Variants in TMEM117 observed in about 807,000 individuals in gnomAD.
TMEM117 encodes transmembrane protein 117.
TMEM117 carries 27 observed loss-of-function variants against 52.4 expected under a neutral mutation model. The observed-to-expected ratio is 0.51, with a 90% CI of 0.38 to 0.71. TMEM117 has a LOEUF of 0.71. Ranked by LOEUF, TMEM117 falls within the 30% of genes least tolerant of loss-of-function variation. TMEM117 has a pLI of 0.00. For synonymous variants in TMEM117, 215 were observed against 206.3 expected, an observed-to-expected ratio of 1.04 and a Z score of -0.36; for missense variants, 556 against 630.5, an observed-to-expected ratio of 0.88 and a Z score of 1.26.
At chr12:44,108,269 T>G (rs1044764419) in intron 3 of TMEM117, among the ~76,000 whole-genome samples, 8 of 148,760 alleles carry the variant, frequency 5.4e-5, no homozygotes, top group Non-Finnish European at 1.0e-4. Context: ...GTTAGTTACA[T>G]ATGTATACAT....
chr12:44,018,612 T>C (rs973465879), intron 3 of TMEM117, among the ~76,000 whole-genome samples: 2 of 152,206 alleles, frequency 1.3e-5, no homozygotes, highest in Non-Finnish European at 2.9e-5. Context: ...ATGAATTCCT[T>C]AAACCACATA....
chr12:44,355,899 G>T (rs1445681117), intron 6 of TMEM117, among the ~76,000 whole-genome samples: 1 of 152,092 alleles, frequency 6.6e-6, no homozygotes. Context: ...AACCAGTCAT[G>T]CTAGCACTGG....
intron 2 of TMEM117, among the ~76,000 whole-genome samples, chr12:43,912,670 A>T (rs1373161535): frequency 6.6e-6 from 1 of 151,776 alleles, no homozygotes. Context: ...AAATAATGGA[A>T]ATATGTCTTT....
chr12:44,086,508 T>C (rs914676170), intron 3 of TMEM117, among the ~76,000 whole-genome samples: 5 of 152,060 alleles, frequency 3.3e-5, no homozygotes, highest in African/African-American at 1.2e-4. Flanking sequence ...AGCTACTGTG[T>C]GCGGCCACAA....
At chr12:44,337,351 A>G (rs990159898) in intron 6 of TMEM117, among the ~76,000 whole-genome samples, 4 of 152,050 alleles carry the variant, frequency 2.6e-5, no homozygotes, top group Admixed American at 2.6e-4. Context: ...CATGAGGACT[A>G]TAGCTTCATG....
intron 4 of TMEM117, among the ~76,000 whole-genome samples, chr12:44,144,487 G>T (rs756435047): frequency 6.6e-6 from 1 of 152,180 alleles, no homozygotes; most frequent in South Asian, 2.1e-4. Context: ...ACAAGACTTG[G>T]CATGGACATG....
At chr12:44,244,931 C>T (rs1950110276) in intron 5 of TMEM117, among the ~76,000 whole-genome samples, 1 of 151,996 alleles carries the variant, frequency 6.6e-6, no homozygotes, top group African/African-American at 2.4e-5. Flanking sequence ...TTCCTCAGCA[C>T]CACTTATGAA....
intron 6 of TMEM117, among the ~76,000 whole-genome samples, chr12:44,333,709 A>G (rs188966007): frequency 4.1e-4 from 63 of 152,126 alleles, no homozygotes; most frequent in African/African-American, 1.3e-3. Flanking sequence ...TTTATGAATT[A>G]CCCAGTCTTG....
the TMEM117 span, among the ~76,000 whole-genome samples, chr12:43,809,496 T>G: frequency 6.6e-6 from 1 of 152,224 alleles, no homozygotes; most frequent in Non-Finnish European, 1.5e-5. Context: ...GTATGAATGC[T>G]CAATGTATGT....
At chr12:43,805,928 G>C in the TMEM117 span, 1 of 1,519,428 alleles carries the variant, frequency 6.6e-7, no homozygotes, top group Non-Finnish European at 8.9e-7. Context: ...TGTCGGGGAC[G>C]GTGGAAGGCA....
At chr12:43,891,629 G>A (rs1944107686) in intron 2 of TMEM117, among the ~76,000 whole-genome samples, 1 of 151,934 alleles carries the variant, frequency 6.6e-6, no homozygotes, top group Non-Finnish European at 1.5e-5. Flanking sequence ...GCCTCCCAAA[G>A]TGCTGGGATT....
In TMEM117 at chr12:44,125,112, AT is replaced by A. The variant is rs928071717; in HGVS notation, c.411-18403del. On this transcript the variant is annotated intron_variant, in intron 3 of 7. Coordinates refer to ENST00000266534, the MANE Select transcript of TMEM117 (RefSeq NM_032256.3). ...TCATTATTGGTCTATTATGGGATTA[AT>A]TTTTTTTTTGAGACGGAGTCTTGCT... Among the ~76,000 whole-genome samples, 37 of 149,688 alleles carry A rather than the reference AT, an allele frequency of 2.5e-4. 1 individual carries two copies. The highest frequency in any genetic ancestry group is 8.6e-4 in the African/African-American group (35 of 40,882).
chr12:43,981,053 G>T (rs1379091102), intron 3 of TMEM117, among the ~76,000 whole-genome samples: 1 of 152,096 alleles, frequency 6.6e-6, no homozygotes, highest in Admixed American at 6.5e-5. Flanking sequence ...AAGAACAGCT[G>T]CCTTCAGCTC....
At chr12:43,804,267 G>A in the TMEM117 span, 2 of 525,944 alleles carry the variant, frequency 3.8e-6, no homozygotes, top group Admixed American at 2.6e-5. Flanking sequence ...AAAAGAGGAA[G>A]AAGTCACATC....
At chr12:44,183,107 GA>G (rs1185716247) in intron 4 of TMEM117, among the ~76,000 whole-genome samples, 2 of 152,018 alleles carry the variant, frequency 1.3e-5, no homozygotes, top group African/African-American at 2.4e-5. Context: ...AATTTATAAA[GA>G]AAAAATTGCC....
At chr12:43,931,208 A>G (rs753525590) in intron 2 of TMEM117, among the ~76,000 whole-genome samples, 5 of 152,232 alleles carry the variant, frequency 3.3e-5, no homozygotes, top group Non-Finnish European at 7.3e-5. Context: ...AGTAGTCAGA[A>G]TGGTGGAAGT....
At chr12:43,863,107 A>G (rs1416632729) in intron 2 of TMEM117, among the ~76,000 whole-genome samples, 1 of 152,090 alleles carries the variant, frequency 6.6e-6, no homozygotes, top group East Asian at 1.9e-4. Flanking sequence ...TCAGCTGGGC[A>G]TGGTGGTGGG....
At chr12:43,948,290 G>A (rs1431379125) in intron 3 of TMEM117, among the ~76,000 whole-genome samples, 1 of 151,964 alleles carries the variant, frequency 6.6e-6, no homozygotes, top group African/African-American at 2.4e-5. Flanking sequence ...CTAAAATGCT[G>A]CTTATTGTAA....
intron 5 of TMEM117, among the ~76,000 whole-genome samples, chr12:44,256,029 T>G (rs181925982): frequency 6.6e-6 from 1 of 152,080 alleles, no homozygotes; most frequent in African/African-American, 2.4e-5. Flanking sequence ...TTAAATTATT[T>G]ATATAAGTCA....
Sources: gnomAD v4.1 joint callset for allele counts (sites outside exome capture counted in the v4.1 genomes callset) on GRCh38, gnomAD v4.1.1 for gene constraint, MANE v1.5 for transcripts, NCBI Gene and HGNC (gene_info 2026-07-23, HGNC 2026-07-21) for gene names.